Variants in AUTS2 observed in about 807,000 individuals in gnomAD.
AUTS2 encodes activator of transcription and developmental regulator AUTS2, also known as autism susceptibility gene 2 protein.
Under a neutral mutation model 112.4 loss-of-function variants are expected in AUTS2, and 17 were observed. The ratio of observed to expected loss-of-function variants is 0.15; its 90% CI spans 0.10 to 0.23. AUTS2 has a LOEUF of 0.23. AUTS2 is among the 10% of genes least tolerant of loss of function. The pLI is 1.00. For missense variants in AUTS2, 1,510 were observed against 1,701.6 expected, an observed-to-expected ratio of 0.89 and a Z score of 1.98; for synonymous variants, 751 against 702.7, an observed-to-expected ratio of 1.07 and a Z score of -1.09.
At chr7:70,314,849 C>T (rs1789923212) in intron 4 of AUTS2, among the ~76,000 whole-genome samples, 1 of 152,222 alleles carries the variant, frequency 6.6e-6, no homozygotes, top group East Asian at 1.9e-4. Context: ...ATGGTTTTGT[C>T]ACATCAGTCA....
intron 5 of AUTS2, among the ~76,000 whole-genome samples, chr7:70,475,055 A>G (rs1043431180): frequency 1.3e-5 from 2 of 152,134 alleles, no homozygotes; most frequent in African/African-American, 4.8e-5. Flanking sequence ...TGTAAGTGGC[A>G]GGTTTTGAAC....
chr7:70,344,917 G>T (rs1791426525), intron 4 of AUTS2, among the ~76,000 whole-genome samples: 1 of 152,188 alleles, frequency 6.6e-6, no homozygotes, highest in Admixed American at 6.5e-5. Flanking sequence ...TGGCTCCTCT[G>T]GCCGCCTGTT....
intron 5 of AUTS2, among the ~76,000 whole-genome samples, chr7:70,467,474 G>C (rs1347429616): frequency 6.6e-6 from 1 of 152,188 alleles, no homozygotes; most frequent in African/African-American, 2.4e-5. Context: ...AGTGTGTTTA[G>C]GTTGGGATCA....
chr7:70,227,798 T>A (rs1332012046), intron 4 of AUTS2, among the ~76,000 whole-genome samples: 1 of 152,128 alleles, frequency 6.6e-6, no homozygotes, highest in African/African-American at 2.4e-5. Flanking sequence ...ACAGAAAATA[T>A]ACTTTATGTG....
chr7:70,727,362 GT>G (rs1193688907), intron 6 of AUTS2, among the ~76,000 whole-genome samples: 1 of 152,090 alleles, frequency 6.6e-6, no homozygotes, highest in Non-Finnish European at 1.5e-5. Flanking sequence ...TTTTTTGTTT[GT>G]TTTGAGATGG....
chr7:70,157,964 A>G (rs1807872696), intron 4 of AUTS2, among the ~76,000 whole-genome samples: 1 of 152,190 alleles, frequency 6.6e-6, no homozygotes. Context: ...GTACTGCTGT[A>G]CAAACTGGGA....
In AUTS2 at chr7:69,876,355, T is replaced by A. The variant is rs1329981272; in HGVS notation, c.310-22931T>A. The stretch of plus-strand genomic sequence containing the variant: ...AAAAAAAAAAAAAAAAAAAAATATA[T>A]ATATATATATATATATATATATATA... On this transcript the variant is annotated intron_variant, in intron 1 of 18. Coordinates refer to ENST00000342771, the MANE Select transcript of AUTS2 (RefSeq NM_015570.4). Among the ~76,000 whole-genome samples the A allele has an allele frequency of 2.5e-3, 199 of 80,434 alleles. 1 individual carries two copies. Among genetic ancestry groups the A allele is most frequent in the East Asian group, 7.3e-3 (18 of 2,472 alleles). The allele number at this position is 80,434 out of a possible 152,430, so 52.8% of individuals were successfully genotyped here.
chr7:70,211,757 C>G (rs558293336), intron 4 of AUTS2, among the ~76,000 whole-genome samples: 3 of 152,090 alleles, frequency 2.0e-5, no homozygotes, highest in Admixed American at 1.3e-4. Context: ...GAGGCCGAGG[C>G]AGGTGGATCA....
chr7:70,570,832 C>G (rs908132030), intron 5 of AUTS2, among the ~76,000 whole-genome samples: 14 of 152,142 alleles, frequency 9.2e-5, no homozygotes, highest in Non-Finnish European at 1.9e-4. Flanking sequence ...GACTTATGAC[C>G]AAGCACAGTT....
At chr7:69,681,651 A>G (rs1796803472) in intron 1 of AUTS2, among the ~76,000 whole-genome samples, 3 of 152,156 alleles carry the variant, frequency 2.0e-5, no homozygotes, top group Admixed American at 2.0e-4. Flanking sequence ...GTTCCCTGCC[A>G]TTGTCATCTG....
chr7:70,183,706 A>G (rs984419055), intron 4 of AUTS2, among the ~76,000 whole-genome samples: 5 of 152,204 alleles, frequency 3.3e-5, no homozygotes, highest in African/African-American at 4.8e-5. Flanking sequence ...GGCTTCTTTA[A>G]TAACTGAAAA....
chr7:70,035,762 T>C (rs1381606534), intron 2 of AUTS2, among the ~76,000 whole-genome samples: 1 of 152,162 alleles, frequency 6.6e-6, no homozygotes, highest in African/African-American at 2.4e-5. Context: ...TAATTTCTTG[T>C]TCCTCCTCAT....
chr7:70,681,945 C>T (rs1808232466), intron 5 of AUTS2, among the ~76,000 whole-genome samples: 1 of 152,194 alleles, frequency 6.6e-6, no homozygotes, highest in Admixed American at 6.5e-5. Flanking sequence ...TGGGCAACCC[C>T]CAGCCCTCTT....
chr7:69,944,473 A>G (rs1485132289), intron 2 of AUTS2, among the ~76,000 whole-genome samples: 2 of 152,184 alleles, frequency 1.3e-5, no homozygotes, highest in African/African-American at 4.8e-5. Context: ...AGACTGTAGA[A>G]GACATATATA....
At chr7:69,795,193 G>A (rs1218129583) in intron 1 of AUTS2, among the ~76,000 whole-genome samples, 1 of 152,116 alleles carries the variant, frequency 6.6e-6, no homozygotes, top group East Asian at 1.9e-4. Flanking sequence ...ATCATTGCAA[G>A]GAAAATGTAT....
rs945787116 is a variant in AUTS2, at chr7:69,665,319, T to G, written c.309+65357T>G. ...CCCCATAGAAGGATATTTTAAGAGATAAGATTAATACTGCTCAGCATAAAT... is the reference window on the plus strand; with the variant it reads ...CCCCATAGAAGGATATTTTAAGAGAGAAGATTAATACTGCTCAGCATAAAT... On this transcript the variant is annotated intron_variant, in intron 1 of 18. Coordinates refer to ENST00000342771, the MANE Select transcript of AUTS2 (RefSeq NM_015570.4). Among the ~76,000 whole-genome samples the G allele has an allele frequency of 3.9e-5, 6 of 152,312 alleles. No homozygotes were observed. In the East Asian group the frequency reaches 7.7e-4, roughly 20 times the overall value.
chr7:69,673,509 C>T (rs1211849450), intron 1 of AUTS2, among the ~76,000 whole-genome samples: 5 of 152,190 alleles, frequency 3.3e-5, no homozygotes, highest in Non-Finnish European at 5.9e-5. Context: ...CATGGATGTT[C>T]AGGCCTATTG....
chr7:70,559,714 TA>T (rs1320394919), intron 5 of AUTS2, among the ~76,000 whole-genome samples: 1 of 152,108 alleles, frequency 6.6e-6, no homozygotes, highest in Non-Finnish European at 1.5e-5. Context: ...TTCCTTCCAT[TA>T]AACTCAGCAA....
intron 1 of AUTS2, among the ~76,000 whole-genome samples, chr7:69,705,431 A>G (rs1326676309): frequency 6.6e-6 from 1 of 152,160 alleles, no homozygotes. Flanking sequence ...GGATGAAAGG[A>G]TGACTGGATA....
Sources: allele counts gnomAD v4.1 joint callset (sites outside exome capture counted in the v4.1 genomes callset), GRCh38; gene constraint gnomAD v4.1.1; transcripts MANE v1.5; gene names NCBI Gene and HGNC (gene_info 2026-07-23, HGNC 2026-07-21).